PARD3B: variants seen among roughly 807,000 people sequenced by gnomAD.
PARD3B encodes partitioning defective 3 homolog B.
PARD3B carries 103 observed loss-of-function variants against 130.2 expected under a neutral mutation model. The observed-to-expected ratio is 0.79, with a 90% CI of 0.67 to 0.93. The LOEUF (loss-of-function observed/expected upper bound fraction) is 0.93, where lower values mean the gene tolerates loss of function less well. PARD3B is among the 40% of genes least tolerant of loss of function. The probability of loss-of-function intolerance (pLI) is 0.00; values close to 1 mark genes in which losing one functional copy is unlikely to be tolerated. For synonymous variants in PARD3B, 583 were observed against 553.2 expected, an observed-to-expected ratio of 1.05 and a Z score of -0.76; for missense variants, 1,609 against 1,499.2, an observed-to-expected ratio of 1.07 and a Z score of -1.21.
chr2:205,437,839 G>A (rs956927989), intron 19 of PARD3B, among the ~76,000 whole-genome samples: 3 of 152,052 alleles, frequency 2.0e-5, no homozygotes, highest in African/African-American at 7.2e-5. Flanking sequence ...ATAAAAAAGG[G>A]TATCTTTTGA....
chr2:204,755,550 T>G (rs1410644131), intron 2 of PARD3B, among the ~76,000 whole-genome samples: 1 of 152,128 alleles, frequency 6.6e-6, no homozygotes, highest in East Asian at 1.9e-4. Flanking sequence ...CAATGACACA[T>G]CACACATTAG....
At chr2:205,071,066 G>T (rs951482577) in intron 4 of PARD3B, among the ~76,000 whole-genome samples, 4 of 151,926 alleles carry the variant, frequency 2.6e-5, no homozygotes, top group Non-Finnish European at 5.9e-5. Context: ...TTTCTTGGAA[G>T]TGTCAAATGA....
At chr2:205,599,389 C>A (rs955609595) in intron 22 of PARD3B, among the ~76,000 whole-genome samples, 1 of 152,206 alleles carries the variant, frequency 6.6e-6, no homozygotes, top group African/African-American at 2.4e-5. Flanking sequence ...ACTGAATTCA[C>A]CTGTCTCCAG....
chr2:204,562,560 G>A (rs538502931), intron 1 of PARD3B, among the ~76,000 whole-genome samples: 96 of 152,132 alleles, frequency 6.3e-4, no homozygotes, highest in Non-Finnish European at 8.4e-4. Flanking sequence ...TAAAATCTTC[G>A]AGAAACTGAA....
chr2:205,035,819 AT>A (rs1697800727), intron 3 of PARD3B, among the ~76,000 whole-genome samples: 1 of 77,320 alleles, frequency 1.3e-5, no homozygotes, highest in East Asian at 5.5e-4. Flanking sequence ...ATATATATAT[AT>A]CTATATATCT....
At chr2:205,346,503 G>A (rs953462244) in intron 18 of PARD3B, among the ~76,000 whole-genome samples, 1 of 152,054 alleles carries the variant, frequency 6.6e-6, no homozygotes, top group Non-Finnish European at 1.5e-5. Flanking sequence ...GTTCCAAGAG[G>A]GCTTCATGCT....
chr2:204,770,587 C>A (rs1435154551), intron 2 of PARD3B, among the ~76,000 whole-genome samples: 1 of 151,950 alleles, frequency 6.6e-6, no homozygotes, highest in Non-Finnish European at 1.5e-5. Context: ...AGAGAGTATA[C>A]CAGGTTAAAT....
intron 19 of PARD3B, among the ~76,000 whole-genome samples, chr2:205,412,636 A>C (rs1032935123): frequency 2.6e-5 from 4 of 152,170 alleles, no homozygotes; most frequent in Admixed American, 2.0e-4. Context: ...CTTTCTAATC[A>C]TAATTTCCAC....
intron 15 of PARD3B, among the ~76,000 whole-genome samples, chr2:205,211,352 A>G (rs2037623445): frequency 2.0e-5 from 3 of 152,024 alleles, no homozygotes; most frequent in Admixed American, 2.0e-4. Context: ...AGTCATCCAT[A>G]CATCTATTCC....
intron 2 of PARD3B, among the ~76,000 whole-genome samples, chr2:204,893,145 G>A (rs1164127208): frequency 2.0e-5 from 3 of 152,070 alleles, no homozygotes; most frequent in Non-Finnish European, 4.4e-5. Context: ...AGAGGAGGGT[G>A]GTGTCTAAGC....
At chr2:205,424,470 A>C (rs1430692781) in intron 19 of PARD3B, among the ~76,000 whole-genome samples, 1 of 152,126 alleles carries the variant, frequency 6.6e-6, no homozygotes, top group African/African-American at 2.4e-5. Flanking sequence ...CAAGAAAACA[A>C]AGGAAATAGA....
chr2:205,102,239 A>G (rs762833340), intron 4 of PARD3B, among the ~76,000 whole-genome samples: 35 of 152,148 alleles, frequency 2.3e-4, no homozygotes, highest in African/African-American at 7.0e-4. Flanking sequence ...ATAATTTATT[A>G]TACAACATTA....
chr2:205,168,246 A>G (rs1207602857), intron 11 of PARD3B, among the ~76,000 whole-genome samples: 1 of 147,688 alleles, frequency 6.8e-6, no homozygotes, highest in African/African-American at 2.5e-5. Context: ...TTTGCTTAGG[A>G]GTCTGATGGG....
Position 205,401,031 on chromosome 2 carries a change from G to A in PARD3B, c.2649G>A (p.Glu883=). The part of the protein sequence containing the change: ...GAMLRFGKKK[E]DKGGKAEQKG... ...TCACTAGATTTGGAAAGAAGAAAGAGGATAAGGGTGGAAAGGCTGAGCAGA... is the reference window on the plus strand; with the variant it reads ...TCACTAGATTTGGAAAGAAGAAAGAAGATAAGGGTGGAAAGGCTGAGCAGA... The change falls in exon 19 of 23, where the codon GAG becomes GAA. Residue 883 remains glutamate, a synonymous_variant. Coordinates refer to ENST00000406610, the MANE Select transcript of PARD3B (RefSeq NM_001302769.2). The A allele has an allele frequency of 6.3e-7, 1 of 1,599,732 alleles. No individual in the cohort carries two copies. Among genetic ancestry groups the A allele is most frequent in the South Asian group, 1.1e-5 (1 of 87,626 alleles).
rs769264864 is a variant in PARD3B at position 205,121,639 on chromosome 2, C to T, written c.855C>T (p.Leu285=). The T allele has an allele frequency of 1.9e-6, 3 of 1,614,120 alleles. No individual in the cohort carries two copies. The Admixed American group carries it at 5.0e-5, about 27-fold the overall frequency. The part of the protein sequence containing the change: ...RQAMKSPSVL[L]HVLPPQNREQ... The stretch of plus-strand genomic sequence containing the variant: ...CAATGAAATCTCCAAGTGTGCTCCT[C>T]CACGTGCTTCCTCCACAAAACCGTG... The change falls in exon 8 of 23, where the codon CTC becomes CTT. Residue 285 remains leucine, a synonymous_variant. Coordinates refer to ENST00000406610, the MANE Select transcript of PARD3B (RefSeq NM_001302769.2). The surrounding 1 kb of genome is among the most constrained non-coding windows in gnomAD (Gnocchi z 5.0).
chr2:204,558,434 C>G (rs997105482), intron 1 of PARD3B, among the ~76,000 whole-genome samples: 1 of 152,134 alleles, frequency 6.6e-6, no homozygotes, highest in East Asian at 1.9e-4. Flanking sequence ...AGTGAACTCC[C>G]ATTCACAATT....
chr2:204,966,883 A>C (rs1032572180), intron 3 of PARD3B, among the ~76,000 whole-genome samples: 1 of 152,212 alleles, frequency 6.6e-6, no homozygotes, highest in Non-Finnish European at 1.5e-5. Context: ...CATTTATTTA[A>C]GCCTCGTCAT....
intron 2 of PARD3B, among the ~76,000 whole-genome samples, chr2:204,776,208 G>A (rs1268401379): frequency 6.6e-6 from 1 of 152,166 alleles, no homozygotes; most frequent in Non-Finnish European, 1.5e-5. Context: ...GGATTCTATA[G>A]ATAGCAATTA....
chr2:205,579,779 TCAG>T, intron 22 of PARD3B, among the ~76,000 whole-genome samples: 1 of 152,342 alleles, frequency 6.6e-6, no homozygotes, highest in East Asian at 1.9e-4. Flanking sequence ...TATCCTTTAA[TCAG>T]GATTATAAAA....
Sources: gnomAD v4.1 joint callset for allele counts (sites outside exome capture counted in the v4.1 genomes callset) on GRCh38, gnomAD v4.1.1 for gene constraint, Gnocchi (gnomAD v3.1) non-coding constraint, MANE v1.5 for transcripts, NCBI Gene and HGNC (gene_info 2026-07-23, HGNC 2026-07-21) for gene names.